The following SHROOM2 variants were observed in gnomAD, a reference collection of about 807,000 sequenced individuals.
SHROOM2 encodes shroom family member 2.
A neutral mutation model predicts 75.9 loss-of-function variants in SHROOM2; 33 were observed. The ratio of observed to expected loss-of-function variants is 0.43; its 90% CI spans 0.33 to 0.58. SHROOM2 has a LOEUF of 0.58. SHROOM2 is among the 20% of genes least tolerant of loss of function. SHROOM2 has a pLI of 0.04. For missense variants in SHROOM2, 1,434 were observed against 1,461.2 expected (o/e 0.98, Z 0.30); for synonymous variants, 655 against 663.6 (o/e 0.99, Z 0.20).
intron 1 of SHROOM2, among the ~76,000 whole-genome samples, chrX:9,812,844 T>C (rs2083799195): frequency 8.9e-6 from 1 of 112,234 alleles, no homozygotes; most frequent in African/African-American, 3.2e-5. Flanking sequence ...TGGACAGGAA[T>C]GGAGAAAAAG....
At chrX:9,822,812 G>A (rs1029727583) in intron 1 of SHROOM2, among the ~76,000 whole-genome samples, 1 of 111,701 alleles carries the variant, frequency 9.0e-6, no homozygotes, top group Non-Finnish European at 1.9e-5. Context: ...AGGAGGAGGA[G>A]GAGGAGTGCT....
intron 1 of SHROOM2, among the ~76,000 whole-genome samples, chrX:9,848,528 A>G (rs1399150693): frequency 3.8e-4 from 39 of 101,829 alleles, no homozygotes; most frequent in African/African-American, 1.1e-3. Flanking sequence ...AAAAAAAAAA[A>G]AAAGAAAAGC....
intron 1 of SHROOM2, among the ~76,000 whole-genome samples, chrX:9,799,689 C>G (rs1449700032): frequency 9.1e-6 from 1 of 110,135 alleles, no homozygotes; most frequent in African/African-American, 3.3e-5. Flanking sequence ...GTCCTTTTAT[C>G]TGTCCTCTCT....
intron 1 of SHROOM2, among the ~76,000 whole-genome samples, chrX:9,847,854 T>C (rs1346273110): frequency 8.9e-6 from 1 of 112,171 alleles, no homozygotes; most frequent in Non-Finnish European, 1.9e-5. Context: ...TTTTTCCCTC[T>C]GATTTACTCG....
chrX:9,843,346 G>C (rs769171836), intron 1 of SHROOM2, among the ~76,000 whole-genome samples: 1 of 109,704 alleles, frequency 9.1e-6, no homozygotes, highest in Non-Finnish European at 1.9e-5. Context: ...TATTTCCTTA[G>C]TTTCCCAGTT....
chrX:9,847,482 G>T (rs759570080), intron 1 of SHROOM2, among the ~76,000 whole-genome samples: 3 of 112,078 alleles, frequency 2.7e-5, no homozygotes, highest in African/African-American at 9.7e-5. Context: ...CAGCTCCGAC[G>T]AATGTAAGAG....
chrX:9,873,530 A>C lies in SHROOM2; in HGVS notation c.166-122A>C. 3 of 783,859 alleles carry C rather than the reference A, an allele frequency of 3.8e-6. No homozygotes were observed. The South Asian group carries it at 7.5e-5, about 20-fold the overall frequency. 64.6% of individuals were successfully genotyped at this position (783,859 alleles called of 1,213,427 possible). A position where few individuals can be genotyped will look rare whatever the true frequency, so the allele number is the denominator to read the frequency against. Reference sequence around the variant, plus strand: ...ATCCCTGATCCCCTGAGTGGTAATAAGGTCAGCCCCCAGGGCCCATTCCCG... The same window carrying C: ...ATCCCTGATCCCCTGAGTGGTAATACGGTCAGCCCCCAGGGCCCATTCCCG... On this transcript the variant is annotated intron_variant, in intron 1 of 9. Coordinates refer to ENST00000380913, the MANE Select transcript of SHROOM2 (RefSeq NM_001649.4).
At chrX:9,873,954 G>T in intron 2 of SHROOM2, 151 bp downstream of exon 2, 1 of 511,063 alleles carries the variant, frequency 2.0e-6, no homozygotes, top group Non-Finnish European at 3.0e-6. Flanking sequence ...GCATGGGCCC[G>T]GCATCAAGAG....
chrX:9,797,619 C>G (rs1310995624), intron 1 of SHROOM2, among the ~76,000 whole-genome samples: 1 of 112,464 alleles, frequency 8.9e-6, no homozygotes, highest in African/African-American at 3.2e-5. Context: ...GACCTCCACG[C>G]CCATTGGCGT....
At position 9,947,018 on chromosome X, in the gene SHROOM2, C is replaced by G; in HGVS notation, c.*81C>G. Reference sequence around the variant, plus strand: ...CCAAGGATACTCGTGAAGACCCCATCTGTGTTCATGGCCTGGAAAGAGACT... The same window carrying G: ...CCAAGGATACTCGTGAAGACCCCATGTGTGTTCATGGCCTGGAAAGAGACT... On this transcript the variant is annotated 3_prime_UTR_variant, in exon 10 of 10. Transcript: ENST00000380913. 1 of 963,525 alleles carries G rather than the reference C, an allele frequency of 1.0e-6. No individual in the cohort carries two copies. Among genetic ancestry groups the G allele is most frequent in the East Asian group, 3.3e-5 (1 of 29,876 alleles). 79.4% of individuals were successfully genotyped at this position (963,525 alleles called of 1,213,427 possible).
At chrX:9,844,247 C>T (rs1319385913) in intron 1 of SHROOM2, among the ~76,000 whole-genome samples, 1 of 111,760 alleles carries the variant, frequency 8.9e-6, no homozygotes, top group Non-Finnish European at 1.9e-5. Context: ...CATGGTGGCT[C>T]ATGCCTGTAA....
chrX:9,859,154 G>A (rs1296991930), intron 1 of SHROOM2, among the ~76,000 whole-genome samples: 2 of 112,061 alleles, frequency 1.8e-5, no homozygotes, highest in African/African-American at 6.5e-5. Flanking sequence ...GGTGGAGGTT[G>A]CAGTGAGCTG....
chrX:9,941,979 A>G (rs979422387), intron 8 of SHROOM2, among the ~76,000 whole-genome samples: 61 of 73,542 alleles, frequency 8.3e-4, no homozygotes, highest in Non-Finnish European at 1.0e-3. Context: ...CTCAAAAAAA[A>G]AAAAAAAAAA....
chrX:9,949,129 T>C lies in SHROOM2; in HGVS notation c.*2192T>C, dbSNP rs1268814772. 1 of 231,060 alleles carries C rather than the reference T, an allele frequency of 4.3e-6. No homozygotes were observed. Among genetic ancestry groups the C allele is most frequent in the East Asian group, 1.1e-4 (1 of 9,409 alleles). 19.0% of individuals were successfully genotyped at this position (231,060 alleles called of 1,213,427 possible). ...TGTCCTGTCAGTTCCCCTGTTTGCC[T>C]CTGAAACGTCTGGTTAGTGGGGACC... On this transcript the variant is annotated 3_prime_UTR_variant, in exon 10 of 10. Coordinates refer to ENST00000380913, the MANE Select transcript of SHROOM2 (RefSeq NM_001649.4).
intron 1 of SHROOM2, among the ~76,000 whole-genome samples, chrX:9,820,264 C>T (rs959885345): frequency 1.9e-5 from 2 of 107,132 alleles, no homozygotes; most frequent in African/African-American, 3.4e-5. Context: ...CCCACAGAGG[C>T]TTCTGTAACT....
chrX:9,894,376 G>C lies in SHROOM2; in HGVS notation c.468G>C (p.Leu156=). ...CTTGCAGTTCTTCCTCCCACGACCT[G>C]TCCAGTTCCTGGGAGCAGACGAACC... ...RHHASSSSHD[L]SSSWEQTNLQ... The change falls in exon 4 of 10, where the codon CTG becomes CTC. Residue 156 remains leucine (L), a synonymous_variant. Coordinates refer to ENST00000380913, the MANE Select transcript of SHROOM2 (RefSeq NM_001649.4). 8.3e-7 allele frequency: 1 copy of C among 1,209,220 alleles called. No homozygotes were observed. Among genetic ancestry groups the C allele is most frequent in the Non-Finnish European group, 1.1e-6 (1 of 894,063 alleles).
At position 9,895,361 on chromosome X, in the gene SHROOM2, C is replaced by G. The variant is rs753153470; in HGVS notation, c.1453C>G (p.Leu485Val). 1.3e-5 allele frequency: 15 copies of G among 1,185,571 alleles called. No homozygotes were observed. Among genetic ancestry groups the G allele is most frequent in the African/African-American group, 1.8e-5 (1 of 56,603 alleles). Residue 485 changes from leucine to valine, a missense_variant, in exon 4 of 10, where the codon CTG (leucine) becomes GTG (valine). Around this residue, in one of 3 missense-constraint regions of SHROOM2, gnomAD observed 1,340 missense variants for 1,338.3 expected, o/e 1.00. Coordinates refer to ENST00000380913, the MANE Select transcript of SHROOM2 (RefSeq NM_001649.4). ...QGPRPCVQGD[L>V]QAAQLWAGCW... is the part of the protein sequence containing the mutation. ...TCCCCGGCCCTGTGTGCAGGGAGAC[C>G]TGCAAGCAGCACAGCTCTGGGCGGG... is the stretch of plus-strand genomic sequence containing the variant.
intron 5 of SHROOM2, among the ~76,000 whole-genome samples, chrX:9,917,137 C>T: frequency 1.8e-5 from 2 of 111,721 alleles, no homozygotes; most frequent in Non-Finnish European, 3.8e-5. Flanking sequence ...AAGTGCCCAG[C>T]TTTCCGACAA....
intron 5 of SHROOM2, among the ~76,000 whole-genome samples, chrX:9,921,415 C>T (rs747507035): frequency 9.0e-6 from 1 of 111,407 alleles, no homozygotes; most frequent in African/African-American, 3.3e-5. Flanking sequence ...GTGCCTTAAA[C>T]GGATCCATCA....
Sources: allele counts gnomAD v4.1 joint callset (sites outside exome capture counted in the v4.1 genomes callset), GRCh38; gene constraint gnomAD v4.1.1; regional missense constraint gnomAD v4.1.1; transcripts MANE v1.5; gene names NCBI Gene and HGNC (gene_info 2026-07-23, HGNC 2026-07-21).